HECTD4: variants seen among roughly 807,000 people sequenced by gnomAD.
The protein encoded by HECTD4 is HECT domain E3 ubiquitin protein ligase 4.
In HECTD4, 114 loss-of-function variants were observed where a neutral mutation model predicts 471.5. The ratio of observed to expected loss-of-function variants is 0.24; its 90% CI spans 0.21 to 0.28. The LOEUF is 0.28. HECTD4 is among the 10% of genes least tolerant of loss of function. The pLI is 1.00. For missense variants in HECTD4, 3,866 were observed against 5,651.5 expected (o/e 0.68, Z 10.13); for synonymous variants, 2,012 against 2,256.0 (o/e 0.89, Z 3.07).
At chr12:112,334,164 A>G (rs1458539907) in intron 1 of HECTD4, among the ~76,000 whole-genome samples, 1 of 151,644 alleles carries the variant, frequency 6.6e-6, no homozygotes, top group Non-Finnish European at 1.5e-5. Flanking sequence ...GGCCGAGATC[A>G]TGCCACTGCA....
At chr12:112,222,276 G>A (rs2033118680) in intron 44 of HECTD4, among the ~76,000 whole-genome samples, 1 of 151,974 alleles carries the variant, frequency 6.6e-6, no homozygotes, top group Non-Finnish European at 1.5e-5. Flanking sequence ...AGGCTGGTCT[G>A]GAACCCCTGA....
At chr12:112,282,198 A>G (rs2034659634) in intron 8 of HECTD4, among the ~76,000 whole-genome samples, 1 of 152,182 alleles carries the variant, frequency 6.6e-6, no homozygotes, top group Non-Finnish European at 1.5e-5. Flanking sequence ...CCTGGCTAAC[A>G]CGGTGAAACC....
chr12:112,184,588 T>A lies in HECTD4; in HGVS notation c.10378A>T (p.Thr3460Ser). 1 of 1,613,834 alleles carries A rather than the reference T, an allele frequency of 6.2e-7. No homozygotes were observed. The highest frequency in any genetic ancestry group is 8.5e-7 in the Non-Finnish European group (1 of 1,179,858). The stretch of plus-strand genomic sequence containing the variant: ...CTGTCTGTGCCGGGGAAGGCCAGTG[T>A]CTTCTCGGGCTCAACTTTCCCGTCC... ...GGDGKVEPEK[T>S]LAFPGTDSME... Residue 3460 changes from threonine to serine, a missense_variant, in exon 61 of 76, where the codon ACA becomes TCA. This residue lies in a region of HECTD4 where 192 missense variants were observed against 189.9 expected (regional missense o/e 1.01). Transcript: ENST00000682272. This position sits in a 1 kb window ranked among gnomAD's most constrained non-coding sequence, Gnocchi z 9.1.
chr12:112,183,229 C>T lies in HECTD4; in HGVS notation c.10817G>A (p.Ser3606Asn), dbSNP rs778169329. ...AATCAAGTCATTATTGTTAAATAAA[C>T]TTGCTCGAATTTTCTCAATTTTGGC... ...SRAKIEKIRA[S>N]LFNNNDLIGL... Residue 3606 changes from serine (S) to asparagine (N), a missense_variant, in exon 62 of 76, where the codon AGT becomes AAT. By Grantham distance (46) the Ser-to-Asn change is conservative. This residue lies in a region of HECTD4 where 715 missense variants were observed against 1,087.6 expected (regional missense o/e 0.66). Coordinates refer to ENST00000682272, the MANE Select transcript of HECTD4 (RefSeq NM_001388303.1). The T allele has an allele frequency of 2.5e-6, 4 of 1,613,902 alleles. No individual in the cohort carries two copies. The Admixed American group carries it at 6.7e-5, about 27-fold the overall frequency.
intron 25 of HECTD4, chr12:112,249,842 T>C (rs1454769680): frequency 5.2e-6 from 2 of 385,870 alleles, no homozygotes; most frequent in Non-Finnish European, 4.8e-6. Context: ...ATCAGTCAAA[T>C]GGGAAACTTG....
intron 1 of HECTD4, among the ~76,000 whole-genome samples, chr12:112,330,029 C>T (rs2035816631): frequency 1.3e-5 from 2 of 152,066 alleles, no homozygotes; most frequent in Admixed American, 1.3e-4. Context: ...ATAATACCAG[C>T]ACTTTGGGAG....
intron 38 of HECTD4, 116 bp downstream of exon 38, chr12:112,232,888 T>G (rs892751576): frequency 6.8e-5 from 57 of 834,046 alleles, no homozygotes; most frequent in Non-Finnish European, 9.4e-5. Context: ...TTTCTCACCT[T>G]GCCTCTTCGT....
At chr12:112,353,048 A>T (rs566267919) in intron 1 of HECTD4, among the ~76,000 whole-genome samples, 5 of 152,262 alleles carry the variant, frequency 3.3e-5, no homozygotes, top group African/African-American at 9.6e-5. Context: ...GCAAACATCC[A>T]TAACAAAGAC....
Position 112,244,206 on chromosome 12 carries a change from TA to T in HECTD4, c.4514-198del, listed in dbSNP as rs58981450. Among the ~76,000 whole-genome samples the T allele has an allele frequency of 0.055, 8,420 of 152,148 alleles. 1,286 individuals are homozygous for T. The East Asian group carries it at 0.61, about 11-fold the overall frequency. On this transcript the variant is annotated intron_variant, in intron 29 of 75. Coordinates refer to ENST00000682272, the MANE Select transcript of HECTD4 (RefSeq NM_001388303.1). ...TATTAGGTTAAAAATTATTTTAACT[TA>T]AAAAAATTAAAATCTTTTTATTAAA... is the stretch of plus-strand genomic sequence containing the variant.
Position 112,239,884 on chromosome 12 carries a change from G to T in HECTD4, c.5102C>A (p.Thr1701Asn). 6.2e-7 allele frequency: 1 copy of T among 1,612,204 alleles called. No individual in the cohort carries two copies. Among genetic ancestry groups the T allele is most frequent in the Non-Finnish European group, 8.5e-7 (1 of 1,178,628 alleles). Residue 1701 changes from threonine (T) to asparagine (N), a missense_variant, in exon 33 of 76, where the codon ACC (threonine) becomes AAC (asparagine). Coordinates refer to ENST00000682272, the MANE Select transcript of HECTD4 (RefSeq NM_001388303.1). The surrounding 1 kb of genome is among the most constrained non-coding windows in gnomAD (Gnocchi z 4.9). Reference protein sequence around the residue: ...SIGLLCTIPYTRSEEKCLVRS... With the variant: ...SIGLLCTIPYNRSEEKCLVRS... ...CAAAAGGCCTTTCCGTACTTACCTG[G>T]TGTAAGGTATGGTACATAAGAGTCC...
chr12:112,333,610 G>A (rs1053641401), intron 1 of HECTD4, among the ~76,000 whole-genome samples: 1 of 152,030 alleles, frequency 6.6e-6, no homozygotes, highest in African/African-American at 2.4e-5. Flanking sequence ...CACTTTGGGA[G>A]GCCAAGGAGG....
intron 12 of HECTD4, 133 bp downstream of exon 12, chr12:112,270,094 A>AG: frequency 2.6e-6 from 2 of 776,076 alleles, no homozygotes; most frequent in East Asian, 5.3e-5. Context: ...TTCTAACTCC[A>AG]GGATCAGAAG....
intron 1 of HECTD4, among the ~76,000 whole-genome samples, chr12:112,369,726 C>T (rs2036633089): frequency 1.3e-5 from 2 of 152,028 alleles, no homozygotes; most frequent in African/African-American, 2.4e-5. Flanking sequence ...AATACCGGGA[C>T]TATAATTGGT....
At chr12:112,314,322 G>A in intron 3 of HECTD4, 135 bp downstream of exon 3, 1 of 471,180 alleles carries the variant, frequency 2.1e-6, no homozygotes, top group Non-Finnish European at 3.7e-6. Flanking sequence ...TCTTAAGAAG[G>A]TAAATATGAG....
At position 112,163,882 on chromosome 12, in the gene HECTD4, C is replaced by T; in HGVS notation, c.12702-145G>A. ...CCCTGGTCATCCCAGTCCTTTCCTG[C>T]CTCTGGTGCCGCCGCCTCAGAGCTG... On this transcript the variant is annotated intron_variant, in intron 73 of 75. Coordinates refer to ENST00000682272, the MANE Select transcript of HECTD4 (RefSeq NM_001388303.1). The surrounding 1 kb of genome is among the most constrained non-coding windows in gnomAD (Gnocchi z 8.2). The T allele has an allele frequency of 1.1e-6, 1 of 873,502 alleles. No homozygotes were observed. The allele number at this position is 873,502 out of a possible 1,614,324, so 54.1% of individuals were successfully genotyped here. A position where few individuals can be genotyped will look rare whatever the true frequency, so the allele number is the denominator to read the frequency against.
intron 22 of HECTD4, 66 bp from the exon 23 acceptor site, chr12:112,252,594 T>C (rs1358886165): frequency 6.4e-7 from 1 of 1,551,774 alleles, no homozygotes; most frequent in Non-Finnish European, 8.7e-7. Context: ...AAAAGAGCAA[T>C]GAATTTCAGA....
At chr12:112,283,056 T>C (rs894722781) in intron 8 of HECTD4, 54 bp downstream of exon 8, 5 of 1,440,496 alleles carry the variant, frequency 3.5e-6, no homozygotes, top group African/African-American at 2.8e-5. Context: ...CAATAAGACG[T>C]AGCTGAACAG....
chr12:112,208,519 T>C lies in HECTD4; in HGVS notation c.7979A>G (p.Asp2660Gly). Residue 2660 changes from aspartate (D) to glycine (G), a missense_variant, in exon 51 of 76, where the codon GAT (aspartate) becomes GGT (glycine). By Grantham distance (94) the Asp-to-Gly change is moderately conservative. Coordinates refer to ENST00000682272, the MANE Select transcript of HECTD4 (RefSeq NM_001388303.1). ...CTGAGGGATGTCATCATCGTCATCA[T>C]CATCGCTTTCATCATCTGCAATGGG... ...PPPIADDESD[D>G]DDDDDIPQED... 3 of 1,600,958 alleles carry C rather than the reference T, an allele frequency of 1.9e-6. No individual in the cohort carries two copies. Among genetic ancestry groups the C allele is most frequent in the South Asian group, 1.1e-5 (1 of 88,592 alleles).
intron 1 of HECTD4, among the ~76,000 whole-genome samples, chr12:112,323,973 CCTTCCTTCCT>C (rs2035655436): frequency 4.2e-5 from 1 of 24,082 alleles, no homozygotes; most frequent in Non-Finnish European, 6.7e-5. Context: ...TTTCTTCCTT[CCTTCCTTCCT>C]TCCTTCCTTC....
Sources: allele counts gnomAD v4.1 joint callset (sites outside exome capture counted in the v4.1 genomes callset), GRCh38; gene constraint gnomAD v4.1.1; regional missense constraint gnomAD v4.1.1; non-coding constraint Gnocchi (gnomAD v3.1); transcripts MANE v1.5; gene names NCBI Gene and HGNC (gene_info 2026-07-23, HGNC 2026-07-21).